Variants in ERO1A observed in about 807,000 individuals in gnomAD.
ERO1A encodes the protein ERO1-like protein alpha.
A neutral mutation model predicts 76.9 loss-of-function variants in ERO1A; 49 were observed. That is an observed-to-expected ratio of 0.64 (90% CI 0.51 to 0.81). The LOEUF is 0.81. ERO1A is among the 30% of genes least tolerant of loss of function. The probability of loss-of-function intolerance (pLI) is 0.00; values close to 1 mark genes in which losing one functional copy is unlikely to be tolerated. For synonymous variants in ERO1A, 174 were observed against 181.2 expected, an observed-to-expected ratio of 0.96 and a Z score of 0.32; for missense variants, 448 against 542.1, an observed-to-expected ratio of 0.83 and a Z score of 1.72.
Position 52,657,963 on chromosome 14 carries a change from T to C in ERO1A, c.762A>G (p.Leu254=). 1.2e-6 allele frequency: 2 copies of C among 1,612,636 alleles called. No homozygotes were observed. Among genetic ancestry groups the C allele is most frequent in the South Asian group, 1.1e-5 (1 of 90,584 alleles). ...KRAFYRLISG[L]HASINVHLSA... is the part of the protein sequence containing the mutation. The stretch of plus-strand genomic sequence containing the variant: ...TCAAATGCACATTAATGCTTGCATG[T>C]AGGCCAGATATAAGTCTGTAGAATG... The change falls in exon 11 of 16, where the codon CTA becomes CTG. Residue 254 remains leucine, a synonymous_variant. Transcript: ENST00000395686.
chr14:52,656,652 C>T (rs1165861737), intron 11 of ERO1A, among the ~76,000 whole-genome samples: 4 of 143,014 alleles, frequency 2.8e-5, no homozygotes, highest in African/African-American at 1.1e-4. Context: ...GCAGAGGTCA[C>T]AGTGAGCCAA....
chr14:52,691,371 T>C (rs1482195213), intron 1 of ERO1A, among the ~76,000 whole-genome samples: 3 of 152,160 alleles, frequency 2.0e-5, no homozygotes, highest in Non-Finnish European at 4.4e-5. Context: ...CTTTAAATTG[T>C]CAAATGACTG....
intron 6 of ERO1A, among the ~76,000 whole-genome samples, chr14:52,671,365 T>C (rs1267914057): frequency 6.6e-6 from 1 of 152,180 alleles, no homozygotes; most frequent in Non-Finnish European, 1.5e-5. Context: ...TGTTATGTCA[T>C]ATGGTAATTC....
At chr14:52,665,573 A>G (rs1340960690) in intron 7 of ERO1A, among the ~76,000 whole-genome samples, 1 of 152,158 alleles carries the variant, frequency 6.6e-6, no homozygotes, top group Non-Finnish European at 1.5e-5. Context: ...AACTCCAAAG[A>G]CTTTCCCAGA....
At chr14:52,677,508 T>A (rs2040830200) in intron 4 of ERO1A, among the ~76,000 whole-genome samples, 1 of 152,122 alleles carries the variant, frequency 6.6e-6, no homozygotes, top group Admixed American at 6.5e-5. Flanking sequence ...AACACATGAC[T>A]ACTAAATATA....
intron 4 of ERO1A, among the ~76,000 whole-genome samples, chr14:52,672,877 G>A (rs946635044): frequency 7.4e-5 from 11 of 149,582 alleles, no homozygotes; most frequent in Admixed American, 4.7e-4. Flanking sequence ...TCTCAGATCA[G>A]AATATAAATG....
intron 3 of ERO1A, among the ~76,000 whole-genome samples, chr14:52,679,309 G>T (rs1266138058): frequency 6.6e-6 from 1 of 151,970 alleles, no homozygotes; most frequent in Non-Finnish European, 1.5e-5. Context: ...CCACAATACT[G>T]CCAGTTAACA....
chr14:52,648,022 T>C (rs1329225572), intron 13 of ERO1A, among the ~76,000 whole-genome samples: 1 of 152,194 alleles, frequency 6.6e-6, no homozygotes, highest in African/African-American at 2.4e-5. Flanking sequence ...ACATGCTTTA[T>C]TCAGTTTGTG....
chr14:52,686,989 G>A (rs2041198552), intron 1 of ERO1A, among the ~76,000 whole-genome samples: 1 of 152,180 alleles, frequency 6.6e-6, no homozygotes, highest in South Asian at 2.1e-4. Flanking sequence ...AGTTTCAATG[G>A]ATGAAGACAG....
intron 9 of ERO1A, among the ~76,000 whole-genome samples, chr14:52,659,329 C>A (rs1293257410): frequency 6.6e-6 from 1 of 152,082 alleles, no homozygotes; most frequent in Non-Finnish European, 1.5e-5. Context: ...CTCTACCTAT[C>A]AAGTAAGATA....
At chr14:52,656,209 T>C (rs1254372250) in intron 11 of ERO1A, among the ~76,000 whole-genome samples, 2 of 152,234 alleles carry the variant, frequency 1.3e-5, no homozygotes, top group Non-Finnish European at 2.9e-5. Flanking sequence ...TTAAGTTTTT[T>C]AGAATCCCTT....
rs1014577811 is a variant in ERO1A, at chr14:52,651,719, A to C, written c.1125+520T>G. ...TGGATACAATGTGATGTTTTAATGTATATTTACAATATGAAGTGATTAAAT... is the reference window on the plus strand; with the variant it reads ...TGGATACAATGTGATGTTTTAATGTCTATTTACAATATGAAGTGATTAAAT... On this transcript the variant is annotated intron_variant, in intron 13 of 15. Coordinates refer to ENST00000395686, the MANE Select transcript of ERO1A (RefSeq NM_014584.3). Among the ~76,000 whole-genome samples the C allele has an allele frequency of 3.3e-5, 5 of 152,338 alleles. No homozygotes were observed. The East Asian group carries it at 7.7e-4, about 23-fold the overall frequency.
chr14:52,674,290 G>A (rs2040708104), intron 4 of ERO1A, among the ~76,000 whole-genome samples: 1 of 152,000 alleles, frequency 6.6e-6, no homozygotes, highest in Admixed American at 6.6e-5. Context: ...GGACATTGGG[G>A]CTCAGCCTCC....
rs766306259 is a variant in ERO1A at position 52,671,610 on chromosome 14, T to A, written c.508+20A>T. On this transcript the variant is annotated intron_variant, in intron 6 of 15. Coordinates refer to ENST00000395686, the MANE Select transcript of ERO1A (RefSeq NM_014584.3). ...TAGGTATAATTTTAAACACAATGCATACTATCAAAAATATTATACCATCAG... is the reference window on the plus strand; with the variant it reads ...TAGGTATAATTTTAAACACAATGCAAACTATCAAAAATATTATACCATCAG... The A allele has an allele frequency of 1.2e-5, 19 of 1,557,430 alleles. No homozygotes were observed. The highest frequency in any genetic ancestry group is 1.3e-5 in the Non-Finnish European group (15 of 1,138,602).
chr14:52,678,068 C>A (rs2139742671), intron 4 of ERO1A, among the ~76,000 whole-genome samples: 1 of 151,972 alleles, frequency 6.6e-6, no homozygotes, highest in South Asian at 2.1e-4. Flanking sequence ...CAATTCGAGA[C>A]CAGCCTGACC....
intron 6 of ERO1A, among the ~76,000 whole-genome samples, chr14:52,669,581 A>G (rs1363206921): frequency 6.6e-6 from 1 of 152,212 alleles, no homozygotes; most frequent in Admixed American, 6.5e-5. Flanking sequence ...AAGGTAATAC[A>G]GTACATGCAA....
chr14:52,675,479 TA>T (rs2040754285), intron 4 of ERO1A, among the ~76,000 whole-genome samples: 1 of 152,152 alleles, frequency 6.6e-6, no homozygotes, highest in Non-Finnish European at 1.5e-5. Context: ...TTTTTCATAA[TA>T]AAATAATGGG....
intron 13 of ERO1A, among the ~76,000 whole-genome samples, chr14:52,647,887 G>A (rs1424162462): frequency 1.3e-5 from 2 of 152,060 alleles, no homozygotes; most frequent in African/African-American, 4.8e-5. Context: ...ATTCTAATGT[G>A]ATAAACCACA....
rs1199694860 is a variant in ERO1A, at chr14:52,652,278, T to C, written c.1086A>G (p.Ser362=). Residue 362 remains serine, a synonymous_variant, in exon 13 of 16, where the codon TCA becomes TCG. Coordinates refer to ENST00000395686, the MANE Select transcript of ERO1A (RefSeq NM_014584.3). ...KSFPLHFDEN[S]FFAGDKKEAH... is the part of the protein sequence containing the mutation. ...CTTCTTTTTTATCCCCAGCAAAAAATGAATTCTCATCAAAATGCAAAGGAA... is the reference window on the plus strand; with the variant it reads ...CTTCTTTTTTATCCCCAGCAAAAAACGAATTCTCATCAAAATGCAAAGGAA... The C allele has an allele frequency of 6.8e-6, 11 of 1,611,274 alleles. No homozygotes were observed. Among genetic ancestry groups the C allele is most frequent in the Non-Finnish European group, 9.3e-6 (11 of 1,177,512 alleles).
Sources: allele counts gnomAD v4.1 joint callset (sites outside exome capture counted in the v4.1 genomes callset), GRCh38; gene constraint gnomAD v4.1.1; transcripts MANE v1.5; gene names NCBI Gene and HGNC (gene_info 2026-07-23, HGNC 2026-07-21).